Variants in AFF3 observed in about 807,000 individuals in gnomAD.
AFF3 encodes the protein ALF transcription elongation factor 3.
In AFF3, 32 loss-of-function variants were observed where a neutral mutation model predicts 129.7. The ratio of observed to expected loss-of-function variants is 0.25; its 90% confidence interval spans 0.19 to 0.33. The LOEUF (loss-of-function observed/expected upper bound fraction) is 0.33, where lower values mean the gene tolerates loss of function less well. Among genes scored for constraint, AFF3 ranks in the 10% least tolerant of loss-of-function variants. The probability of loss-of-function intolerance (pLI) is 1.00; values close to 1 mark genes in which losing one functional copy is unlikely to be tolerated. For missense variants in AFF3, 1,373 were observed against 1,592.0 expected, an observed-to-expected ratio of 0.86 and a Z score of 2.34; for synonymous variants, 644 against 635.4, an observed-to-expected ratio of 1.01 and a Z score of -0.20.
intron 1 of AFF3, among the ~76,000 whole-genome samples, chr2:100,138,820 C>T (rs1400582730): frequency 6.6e-6 from 1 of 151,816 alleles, no homozygotes; most frequent in East Asian, 1.9e-4. Flanking sequence ...CGGTGGGCGC[C>T]TGTAATCCCA....
chr2:99,897,290 T>A (rs1694044274), intron 7 of AFF3, among the ~76,000 whole-genome samples: 1 of 152,184 alleles, frequency 6.6e-6, no homozygotes, highest in Non-Finnish European at 1.5e-5. Context: ...ATATATACTT[T>A]GAAATTTCAT....
chr2:100,126,656 T>C (rs1201317901), intron 2 of AFF3, among the ~76,000 whole-genome samples: 11 of 152,208 alleles, frequency 7.2e-5, no homozygotes, highest in Non-Finnish European at 1.0e-4. Flanking sequence ...ATACTTGTCA[T>C]AATTATTTTT....
intron 7 of AFF3, among the ~76,000 whole-genome samples, chr2:99,983,853 G>T (rs1005417595): frequency 6.6e-6 from 1 of 152,080 alleles, no homozygotes; most frequent in Non-Finnish European, 1.5e-5. Context: ...AAAAGTGCCA[G>T]CAGAGCAGAA....
intron 11 of AFF3, among the ~76,000 whole-genome samples, chr2:99,708,954 TG>T (rs1200863928): frequency 1.3e-5 from 2 of 152,168 alleles, no homozygotes; most frequent in Non-Finnish European, 2.9e-5. Context: ...ATTCTTAAAC[TG>T]GACTTTAAAT....
intron 13 of AFF3, among the ~76,000 whole-genome samples, chr2:99,617,655 G>A (rs1681572504): frequency 6.6e-6 from 1 of 152,008 alleles, no homozygotes; most frequent in African/African-American, 2.4e-5. Context: ...CTAATTTTGC[G>A]GTAGTTCAGG....
At chr2:99,960,518 A>G (rs1576434983) in intron 7 of AFF3, among the ~76,000 whole-genome samples, 2 of 152,358 alleles carry the variant, frequency 1.3e-5, no homozygotes, top group East Asian at 1.9e-4. Context: ...CTGAGATGCT[A>G]TGCTTTATCA....
rs142082185 is a variant in AFF3, at chr2:99,650,796, A to ATGTGTGTGTGTGTG, written c.1144-1144_1144-1131dup. Among the ~76,000 whole-genome samples the ATGTGTGTGTGTGTG allele has an allele frequency of 3.9e-3, 564 of 144,820 alleles. 2 individuals are homozygous for ATGTGTGTGTGTGTG. Among genetic ancestry groups the ATGTGTGTGTGTGTG allele is most frequent in the Middle Eastern group, 7.1e-3 (2 of 282 alleles). ...TTGTTTTTTTCTTCTACTAAAATTA[A>ATGTGTGTGTGTGTG]TGTGTGTGTGTGTGTGTGTGTGTGT... is the stretch of plus-strand genomic sequence containing the variant. On this transcript the variant is annotated intron_variant, in intron 12 of 24. Coordinates refer to ENST00000672756, the MANE Select transcript of AFF3 (RefSeq NM_001386135.1).
intron 5 of AFF3, among the ~76,000 whole-genome samples, chr2:100,008,422 C>A (rs1191470277): frequency 6.6e-6 from 1 of 152,192 alleles, no homozygotes; most frequent in Non-Finnish European, 1.5e-5. Context: ...CTAATCCTAG[C>A]GTGATCCATG....
intron 7 of AFF3, among the ~76,000 whole-genome samples, chr2:99,910,943 T>C (rs182810505): frequency 3.9e-5 from 6 of 152,376 alleles, no homozygotes; most frequent in African/African-American, 1.2e-4. Context: ...GACTCTACAA[T>C]GCCTTCCCTC....
At chr2:99,713,604 C>T (rs768179028) in intron 11 of AFF3, among the ~76,000 whole-genome samples, 1 of 151,862 alleles carries the variant, frequency 6.6e-6, no homozygotes, top group Non-Finnish European at 1.5e-5. Flanking sequence ...ACCTAGATAA[C>T]CCCCCGAGGA....
At chr2:99,634,924 G>C (rs1207952881) in intron 13 of AFF3, among the ~76,000 whole-genome samples, 2 of 148,832 alleles carry the variant, frequency 1.3e-5, no homozygotes. Context: ...GCTCAGACTT[G>C]TGCTGTGAGC....
chr2:99,963,671 A>C (rs1421158927), intron 7 of AFF3, among the ~76,000 whole-genome samples: 2 of 152,098 alleles, frequency 1.3e-5, no homozygotes, highest in Non-Finnish European at 1.5e-5. Flanking sequence ...ACAAATCAAC[A>C]CAGAACCATT....
intron 8 of AFF3, among the ~76,000 whole-genome samples, chr2:99,830,469 G>A (rs188877526): frequency 5.3e-5 from 8 of 152,212 alleles, no homozygotes; most frequent in African/African-American, 9.6e-5. Flanking sequence ...AGATAATCAC[G>A]GGCCAGGCCC....
intron 7 of AFF3, among the ~76,000 whole-genome samples, chr2:99,881,796 T>G (rs540572258): frequency 2.6e-5 from 4 of 152,132 alleles, no homozygotes; most frequent in Admixed American, 6.5e-5. Flanking sequence ...CAAACACCAG[T>G]TCAACCATTA....
intron 8 of AFF3, among the ~76,000 whole-genome samples, chr2:99,784,326 T>C (rs1575972493): frequency 6.6e-6 from 1 of 152,354 alleles, no homozygotes; most frequent in East Asian, 1.9e-4. Context: ...CTTTGGGTTG[T>C]TGCGGAGCAT....
intron 13 of AFF3, among the ~76,000 whole-genome samples, chr2:99,606,915 CAAAAA>C (rs10680840): frequency 4.8e-5 from 3 of 62,188 alleles, no homozygotes; most frequent in African/African-American, 1.3e-4. Flanking sequence ...CTCCGTCTCA[CAAAAA>C]AAAAAAAAAA....
Position 99,901,259 on chromosome 2 carries a change from G to A in AFF3, c.874-63735C>T, listed in dbSNP as rs1316387894. ...TACCTCCCCAAGGCATTATGTCTGC[G>A]TATTTTGAGCCTGCTCTTTCTCTAC... On this transcript the variant is annotated intron_variant, in intron 7 of 24. Coordinates refer to ENST00000672756, the MANE Select transcript of AFF3 (RefSeq NM_001386135.1). Among the ~76,000 whole-genome samples, 6 of 152,328 alleles carry A rather than the reference G, an allele frequency of 3.9e-5. No homozygotes were observed. The East Asian group carries it at 5.8e-4, about 15-fold the overall frequency.
intron 8 of AFF3, among the ~76,000 whole-genome samples, chr2:99,782,610 A>G (rs1190960998): frequency 3.9e-5 from 6 of 152,218 alleles, no homozygotes; most frequent in African/African-American, 7.2e-5. Flanking sequence ...AAGTCCTTCT[A>G]TGCTTTACTT....
intron 7 of AFF3, among the ~76,000 whole-genome samples, chr2:99,888,542 T>C (rs1257413622): frequency 6.6e-6 from 1 of 152,226 alleles, no homozygotes; most frequent in African/African-American, 2.4e-5. Flanking sequence ...ATCAATTTCT[T>C]TTTAAAAATT....
Sources: gnomAD v4.1 joint callset for allele counts (sites outside exome capture counted in the v4.1 genomes callset) on GRCh38, gnomAD v4.1.1 for gene constraint, MANE v1.5 for transcripts, NCBI Gene and HGNC (gene_info 2026-07-23, HGNC 2026-07-21) for gene names.